The following PPP1R1C variants were observed in gnomAD, a reference collection of about 807,000 sequenced individuals.
PPP1R1C encodes the protein protein phosphatase 1 regulatory inhibitor subunit 1C, also known as protein phosphatase 1 regulatory subunit 1C.
Under a neutral mutation model 17.4 loss-of-function variants are expected in PPP1R1C, and 15 were observed. That is an observed-to-expected ratio of 0.86 (90% confidence interval 0.58 to 1.33). PPP1R1C has a LOEUF of 1.33. Ranked by LOEUF, PPP1R1C falls within the 40% of genes most tolerant of loss-of-function variation. The pLI is 0.00. For synonymous variants in PPP1R1C, 35 were observed against 43.1 expected, an observed-to-expected ratio of 0.81 and a Z score of 0.73; for missense variants, 143 against 130.0, an observed-to-expected ratio of 1.10 and a Z score of -0.48.
chr2:182,021,059 G>A (rs1196800313), intron 2 of PPP1R1C, among the ~76,000 whole-genome samples: 2 of 152,132 alleles, frequency 1.3e-5, no homozygotes, highest in Non-Finnish European at 2.9e-5. Context: ...TACCCTGGGT[G>A]ACTTCTCTTT....
chr2:182,059,188 C>A (rs1185330324), intron 2 of PPP1R1C, among the ~76,000 whole-genome samples: 1 of 151,982 alleles, frequency 6.6e-6, no homozygotes, highest in Non-Finnish European at 1.5e-5. Flanking sequence ...TTACATTTTC[C>A]TCCCAAACCA....
At chr2:182,013,929 A>G (rs1421066345) in intron 2 of PPP1R1C, among the ~76,000 whole-genome samples, 1 of 152,182 alleles carries the variant, frequency 6.6e-6, no homozygotes, top group Non-Finnish European at 1.5e-5. Context: ...TAGGATTCTG[A>G]ATTCCTTTTC....
chr2:181,961,915 G>T lies in PPP1R1C; in HGVS notation n.111+7281G>T. On this transcript the variant is annotated intron_variant and non_coding_transcript_variant, in intron 1 of 5. Coordinates refer to the PPP1R1C transcript ENST00000464264. The surrounding 1 kb of genome is among the most constrained non-coding windows in gnomAD (Gnocchi z 5.8). ...CAGCCAAGTGACATTGGTCATCAGT[G>T]ACCTTGTGGAGCCCATGGATGTCAC... 1.3e-6 allele frequency: 1 copy of T among 748,522 alleles called. No homozygotes were observed. Among genetic ancestry groups the T allele is most frequent in the South Asian group, 1.3e-5 (1 of 74,232 alleles). The allele number at this position is 748,522 out of a possible 1,614,324, so 46.4% of individuals were successfully genotyped here.
chr2:182,073,933 C>A lies in PPP1R1C; in HGVS notation c.241+10142C>A, dbSNP rs1484391540. 1.6e-4 allele frequency among the ~76,000 whole-genome samples: 24 copies of A among 152,026 alleles called. 1 individual carries two copies. Among genetic ancestry groups the A allele is most frequent in the Admixed American group, 1.6e-3 (24 of 15,262 alleles). ...GGGATTGTATCCCGAGACAATAGAGCACTTTTGGATAATTTTGAAGATTGC... is the reference window on the plus strand; with the variant it reads ...GGGATTGTATCCCGAGACAATAGAGAACTTTTGGATAATTTTGAAGATTGC... On this transcript the variant is annotated intron_variant, in intron 4 of 4. Coordinates refer to ENST00000682840, the MANE Select transcript of PPP1R1C (RefSeq NM_001080545.3).
chr2:182,052,801 G>A (rs1412417167), intron 2 of PPP1R1C, among the ~76,000 whole-genome samples: 1 of 151,888 alleles, frequency 6.6e-6, no homozygotes, highest in African/African-American at 2.4e-5. Flanking sequence ...TTATTAACAT[G>A]TTTGAATATT....
intron 2 of PPP1R1C, among the ~76,000 whole-genome samples, chr2:182,018,348 A>T (rs953682695): frequency 2.6e-5 from 4 of 152,348 alleles, no homozygotes; most frequent in Non-Finnish European, 5.9e-5. Context: ...GAGTTGCAAT[A>T]AGTAGATGAT....
chr2:181,961,496 C>A lies in PPP1R1C; in HGVS notation n.111+6862C>A. On this transcript the variant is annotated intron_variant and non_coding_transcript_variant, in intron 1 of 5. Coordinates refer to the PPP1R1C transcript ENST00000464264. The surrounding 1 kb of genome is among the most constrained non-coding windows in gnomAD (Gnocchi z 5.8). ...TGCTCCATCTGCAGGGTGTAGCGGGCCTCCACCTCCCTCAGGCTGTTCTCC... is the reference window on the plus strand; with the variant it reads ...TGCTCCATCTGCAGGGTGTAGCGGGACTCCACCTCCCTCAGGCTGTTCTCC... 1 of 1,119,914 alleles carries A rather than the reference C, an allele frequency of 8.9e-7. No homozygotes were observed. The allele number at this position is 1,119,914 out of a possible 1,614,324, so 69.4% of individuals were successfully genotyped here.
At chr2:182,129,931 G>T (rs1318389766) in exon 6 of PPP1R1C, 1 of 152,056 alleles carries the variant, frequency 6.6e-6, no homozygotes, top group Non-Finnish European at 1.5e-5. Flanking sequence ...TAATTCTTGG[G>T]CATTGACTTC....
In PPP1R1C at chr2:182,076,181, CTTTTTTTTTTCTTTTCTTT is replaced by C. The variant is rs1688293106; in HGVS notation, c.241+12401_241+12419del. Among the ~76,000 whole-genome samples the C allele has an allele frequency of 1.7e-4, 8 of 47,486 alleles. 1 individual carries two copies. The highest frequency in any genetic ancestry group is 6.9e-4 in the African/African-American group (8 of 11,570). The allele number at this position is 47,486 out of a possible 152,430, so 31.2% of individuals were successfully genotyped here. Reference sequence around the variant, plus strand: ...TTATCTATAAATCAAGGATTTTGAACTTTTTTTTTTCTTTTCTTTTTTTTTTTTTTTTTTTTTTTTTTTT... The same window carrying C: ...TTATCTATAAATCAAGGATTTTGAACTTTTTTTTTTTTTTTTTTTTTTTTT... On this transcript the variant is annotated intron_variant, in intron 4 of 4. Coordinates refer to ENST00000682840, the MANE Select transcript of PPP1R1C (RefSeq NM_001080545.3).
intron 1 of PPP1R1C, among the ~76,000 whole-genome samples, chr2:181,970,573 G>A (rs1684988693): frequency 6.6e-6 from 1 of 152,100 alleles, no homozygotes; most frequent in South Asian, 2.1e-4. Context: ...ACCACTGCTT[G>A]GCTATCACCT....
intron 4 of PPP1R1C, among the ~76,000 whole-genome samples, chr2:182,087,613 G>A (rs765136347): frequency 1.3e-5 from 2 of 152,136 alleles, no homozygotes; most frequent in Non-Finnish European, 2.9e-5. Flanking sequence ...AGGTACTCAG[G>A]AAATATCTGT....
chr2:182,002,928 C>CG (rs779231057), intron 2 of PPP1R1C, among the ~76,000 whole-genome samples: 1 of 56,140 alleles, frequency 1.8e-5, no homozygotes, highest in East Asian at 4.2e-4. Flanking sequence ...ATGCCATAAA[C>CG]CTCCCCCCCC....
chr2:182,094,452 C>G (rs1197376659), intron 4 of PPP1R1C, among the ~76,000 whole-genome samples: 1 of 152,160 alleles, frequency 6.6e-6, no homozygotes, highest in Admixed American at 6.5e-5. Context: ...GACAATTTTT[C>G]AAGTTTAGCC....
intron 2 of PPP1R1C, among the ~76,000 whole-genome samples, chr2:181,992,125 A>G (rs1685492541): frequency 6.6e-6 from 1 of 152,110 alleles, no homozygotes; most frequent in South Asian, 2.1e-4. Flanking sequence ...ACATAAACCA[A>G]CCCAAGTCCC....
chr2:182,090,318 A>AGTGTGTGTGTGTGTGT (rs1559088788), intron 4 of PPP1R1C, among the ~76,000 whole-genome samples: 9 of 104,500 alleles, frequency 8.6e-5, no homozygotes, highest in African/African-American at 4.2e-4. Flanking sequence ...TGTGTGTGTC[A>AGTGTGTGTGTGTGTGT]GAGAGAGACA....
At chr2:182,076,845 A>AAT (rs974052500) in intron 4 of PPP1R1C, among the ~76,000 whole-genome samples, 4 of 152,210 alleles carry the variant, frequency 2.6e-5, no homozygotes, top group South Asian at 2.1e-4. Context: ...ACCACGAAGA[A>AAT]ATATGGAAGA....
chr2:181,988,935 G>A (rs16867516), intron 2 of PPP1R1C, among the ~76,000 whole-genome samples: 14,706 of 151,068 alleles, frequency 0.097, 827 homozygotes, highest in African/African-American at 0.15. Flanking sequence ...ATAACTTTAG[G>A]GTGCCATTGC....
chr2:182,087,097 A>G (rs1446771458), intron 4 of PPP1R1C, among the ~76,000 whole-genome samples: 3 of 152,194 alleles, frequency 2.0e-5, no homozygotes, highest in African/African-American at 7.2e-5. Context: ...AAAATATACA[A>G]TTACTTCTCA....
At chr2:181,980,698 A>G (rs1685176062) in intron 2 of PPP1R1C, among the ~76,000 whole-genome samples, 2 of 152,222 alleles carry the variant, frequency 1.3e-5, no homozygotes, top group East Asian at 3.8e-4. Flanking sequence ...CCTCAACAAG[A>G]ATAGAGATTA....
Sources: gnomAD v4.1 joint callset for allele counts (sites outside exome capture counted in the v4.1 genomes callset) on GRCh38, gnomAD v4.1.1 for gene constraint, Gnocchi (gnomAD v3.1) non-coding constraint, MANE v1.5 for transcripts, NCBI Gene and HGNC (gene_info 2026-07-23, HGNC 2026-07-21) for gene names.